The following MORC3 variants were observed in gnomAD, a reference collection of about 807,000 sequenced individuals.
MORC3 encodes the protein MORC family CW-type zinc finger protein 3.
In MORC3, 31 loss-of-function variants were observed where a neutral mutation model predicts 109.1. The observed-to-expected ratio is 0.28, with a 90% CI of 0.21 to 0.38. The LOEUF is 0.38. MORC3 is among the 10% of genes least tolerant of loss of function. MORC3 has a pLI of 1.00. For missense variants in MORC3, 867 were observed against 1,135.8 expected (o/e 0.76, Z 3.40); for synonymous variants, 395 against 380.7 (o/e 1.04, Z -0.44).
intron 1 of MORC3, among the ~76,000 whole-genome samples, chr21:36,327,106 G>A (rs1410077552): frequency 5.3e-5 from 8 of 149,814 alleles, no homozygotes. Flanking sequence ...GCGTGAGCCA[G>A]CGCGCCTGGC....
chr21:36,361,092 G>A (rs1407732996), intron 12 of MORC3, among the ~76,000 whole-genome samples: 2 of 151,250 alleles, frequency 1.3e-5, no homozygotes, highest in Admixed American at 1.3e-4. Context: ...AAAAAAGATA[G>A]TGGAAGTGGG....
chr21:36,328,494 C>T (rs1028987425), intron 1 of MORC3, among the ~76,000 whole-genome samples: 2 of 152,184 alleles, frequency 1.3e-5, no homozygotes, highest in East Asian at 3.9e-4. Flanking sequence ...GCGCGCACCA[C>T]CACGCCTGGA....
intron 1 of MORC3, among the ~76,000 whole-genome samples, chr21:36,328,906 TAAA>T (rs111399017): frequency 1.4e-5 from 2 of 139,202 alleles, no homozygotes; most frequent in Non-Finnish European, 1.6e-5. Context: ...GCTGATGAGG[TAAA>T]AAAAAAAAAA....
At chr21:36,339,800 A>G (rs2085420027) in intron 5 of MORC3, among the ~76,000 whole-genome samples, 1 of 152,220 alleles carries the variant, frequency 6.6e-6, no homozygotes. Flanking sequence ...AGAACTGAAA[A>G]AACTTGTGCT....
chr21:36,372,130 G>C (rs2085876470), intron 15 of MORC3, among the ~76,000 whole-genome samples: 1 of 151,828 alleles, frequency 6.6e-6, no homozygotes, highest in Non-Finnish European at 1.5e-5. Context: ...CATTTTCTAG[G>C]TACCACTTTT....
intron 15 of MORC3, 106 bp downstream of exon 15, chr21:36,369,982 T>A (rs184293570): frequency 1.5e-6 from 2 of 1,340,558 alleles, no homozygotes; most frequent in African/African-American, 2.9e-5. Context: ...ATCCCACCAC[T>A]TGGGGAGGCC....
At chr21:36,344,367 A>G (rs1212664497) in intron 6 of MORC3, among the ~76,000 whole-genome samples, 1 of 152,174 alleles carries the variant, frequency 6.6e-6, no homozygotes, top group African/African-American at 2.4e-5. Flanking sequence ...AGTTGATTGT[A>G]TTCTGCAAGT....
At chr21:36,325,155 A>G (rs908845587) in intron 1 of MORC3, among the ~76,000 whole-genome samples, 3 of 152,214 alleles carry the variant, frequency 2.0e-5, no homozygotes, top group Non-Finnish European at 4.4e-5. Context: ...TGGTATTTGT[A>G]GACCATAAAA....
chr21:36,361,983 C>T (rs147915513), intron 12 of MORC3, 200 bp from the exon 13 acceptor site: 9 of 628,974 alleles, frequency 1.4e-5, no homozygotes, highest in African/African-American at 3.7e-5. Context: ...CAGTTTATAC[C>T]GGTGAGGATG....
At position 36,369,561 on chromosome 21, in the gene MORC3, A is replaced by C. The variant is rs2085828371; in HGVS notation, c.2193A>C (p.Ile731=). The change falls in exon 15 of 17, where the codon ATA becomes ATC. Residue 731 remains isoleucine (I), a synonymous_variant. Transcript: ENST00000400485. ...TDQIKVLQQR[I]LEMNDKYVKK... ...AAATCAAAGTGTTACAACAGAGGATACTAGAAATGAATGACAAGTATGTTA... is the reference window on the plus strand; with the variant it reads ...AAATCAAAGTGTTACAACAGAGGATCCTAGAAATGAATGACAAGTATGTTA... 3 of 1,614,102 alleles carry C rather than the reference A, an allele frequency of 1.9e-6. No homozygotes were observed. The highest frequency in any genetic ancestry group is 2.7e-5 in the African/African-American group (2 of 74,938).
At chr21:36,340,719 C>T (rs1000140209) in intron 5 of MORC3, among the ~76,000 whole-genome samples, 3 of 151,176 alleles carry the variant, frequency 2.0e-5, no homozygotes, top group Admixed American at 6.6e-5. Context: ...TCACTGCAAC[C>T]TCCGCCCACC....
At chr21:36,352,392 A>C in intron 9 of MORC3, among the ~76,000 whole-genome samples, 1 of 86,308 alleles carries the variant, frequency 1.2e-5, no homozygotes, top group Non-Finnish European at 2.5e-5. Flanking sequence ...GGCCAAAAAA[A>C]AGGGGTGGGG....
chr21:36,375,152 C>T lies in MORC3; in HGVS notation c.2676C>T (p.Leu892=). Residue 892 remains leucine (L), a synonymous_variant, in exon 17 of 17, where the codon CTC becomes CTT. Transcript: ENST00000400485. The stretch of plus-strand genomic sequence containing the variant: ...ATATTTGTATTTGCAGCCTCAAACT[C>T]CGATCTCTTCGAGTTAACGTAGGAC... The part of the protein sequence containing the change: ...VNHMDGESLK[L]RSLRVNVGQL... 1.2e-6 allele frequency: 2 copies of T among 1,612,016 alleles called. No homozygotes were observed. The highest frequency in any genetic ancestry group is 2.2e-5 in the South Asian group (2 of 90,466).
chr21:36,348,568 C>T (rs540758856), intron 8 of MORC3, among the ~76,000 whole-genome samples: 17 of 152,256 alleles, frequency 1.1e-4, no homozygotes, highest in Admixed American at 5.2e-4. Context: ...CCACCACACC[C>T]GGCTAATTTT....
At chr21:36,365,587 CTTTA>C (rs2085771532) in intron 14 of MORC3, among the ~76,000 whole-genome samples, 1 of 152,064 alleles carries the variant, frequency 6.6e-6, no homozygotes, top group Admixed American at 6.6e-5. Context: ...CTCTTCCTTT[CTTTA>C]TTTTTTTGAG....
At chr21:36,351,125 C>CCCCCAGGT (rs894430865) in intron 9 of MORC3, among the ~76,000 whole-genome samples, 1 of 125,972 alleles carries the variant, frequency 7.9e-6, no homozygotes, top group Admixed American at 1.0e-4. Flanking sequence ...AGTGCAGTGG[C>CCCCCAGGT]CCCCAGGTCT....
intron 1 of MORC3, 168 bp downstream of exon 1, chr21:36,320,471 C>T: frequency 3.5e-6 from 2 of 574,486 alleles, no homozygotes; most frequent in Non-Finnish European, 5.1e-6. Flanking sequence ...CGGAACAGCT[C>T]GGCTGCGGGC....
intron 1 of MORC3, among the ~76,000 whole-genome samples, chr21:36,321,145 G>A (rs373769047): frequency 6.6e-6 from 1 of 152,176 alleles, no homozygotes; most frequent in Non-Finnish European, 1.5e-5. Flanking sequence ...ATTCGAATGG[G>A]TAGTGACTCC....
chr21:36,342,069 A>T (rs761959170), intron 6 of MORC3, among the ~76,000 whole-genome samples: 8 of 152,078 alleles, frequency 5.3e-5, no homozygotes, highest in Non-Finnish European at 1.5e-5. Flanking sequence ...CTCTACTAAA[A>T]ATGCAAAAAT....
Sources: allele counts gnomAD v4.1 joint callset (sites outside exome capture counted in the v4.1 genomes callset), GRCh38; gene constraint gnomAD v4.1.1; transcripts MANE v1.5; gene names NCBI Gene and HGNC (gene_info 2026-07-23, HGNC 2026-07-21).